The following SHROOM3 variants were observed in gnomAD, a reference collection of about 807,000 sequenced individuals.
The protein encoded by SHROOM3 is protein Shroom3.
A neutral mutation model predicts 138.6 loss-of-function variants in SHROOM3; 47 were observed. That is an observed-to-expected ratio of 0.34 (90% CI 0.27 to 0.43). The LOEUF (loss-of-function observed/expected upper bound fraction) is 0.43. Among genes scored for constraint, SHROOM3 ranks in the 20% least tolerant of loss-of-function variants. The pLI, the probability that SHROOM3 is intolerant of heterozygous loss-of-function variation, is 1.00. For synonymous variants in SHROOM3, 1,062 were observed against 1,063.3 expected (o/e 1.00, Z 0.02); for missense variants, 2,491 against 2,596.5 (o/e 0.96, Z 0.88).
rs1242023722 is a variant in SHROOM3, at chr4:76,566,137, A to G, written c.323+10374A>G. On this transcript the variant is annotated intron_variant, in intron 2 of 10. Coordinates refer to ENST00000296043, the MANE Select transcript of SHROOM3 (RefSeq NM_020859.4). ...AAAAAAAAAAAAAAAAAAATCAAGA[A>G]AAAACAATGGATGGTTCATCTGTAC... 2.6e-5 allele frequency among the ~76,000 whole-genome samples: 4 copies of G among 152,154 alleles called. No individual in the cohort carries two copies. The East Asian group carries it at 5.8e-4, about 22-fold the overall frequency.
At chr4:76,687,237 T>C (rs979157166) in intron 2 of SHROOM3, among the ~76,000 whole-genome samples, 1 of 152,214 alleles carries the variant, frequency 6.6e-6, no homozygotes, top group East Asian at 1.9e-4. Context: ...GTGCACCTTT[T>C]TCCTATGTGT....
At chr4:76,584,711 CG>C (rs1560554430) in intron 2 of SHROOM3, among the ~76,000 whole-genome samples, 1 of 152,126 alleles carries the variant, frequency 6.6e-6, no homozygotes, top group East Asian at 1.9e-4. Flanking sequence ...ATGAATTGCA[CG>C]GCCTGGCTGC....
At chr4:76,619,907 C>G (rs1235441969) in intron 2 of SHROOM3, among the ~76,000 whole-genome samples, 1 of 151,710 alleles carries the variant, frequency 6.6e-6, no homozygotes, top group East Asian at 1.9e-4. Flanking sequence ...ACTAAAAATA[C>G]AAAAATTACC....
chr4:76,549,895 C>A (rs1045010894), intron 1 of SHROOM3, among the ~76,000 whole-genome samples: 4 of 152,118 alleles, frequency 2.6e-5, no homozygotes, highest in African/African-American at 9.7e-5. Context: ...CCCCAGCTGG[C>A]TCAATTCAAG....
chr4:76,730,014 A>C (rs1720827616), intron 3 of SHROOM3, among the ~76,000 whole-genome samples: 1 of 152,208 alleles, frequency 6.6e-6, no homozygotes, highest in African/African-American at 2.4e-5. Context: ...TGCCTGGTAG[A>C]TTACCTGACT....
At chr4:76,603,838 C>CTTTTTTTTT (rs993165829) in intron 2 of SHROOM3, among the ~76,000 whole-genome samples, 17 of 97,256 alleles carry the variant, frequency 1.7e-4, no homozygotes, top group South Asian at 3.9e-4. Context: ...ATCTTGTATT[C>CTTTTTTTTT]TTTTTTTTTT....
chr4:76,683,474 C>G (rs937240390), intron 2 of SHROOM3, among the ~76,000 whole-genome samples: 12 of 152,174 alleles, frequency 7.9e-5, no homozygotes, highest in Non-Finnish European at 1.2e-4. Context: ...TTCCCTCATT[C>G]TTTCCCCCTT....
chr4:76,712,590 G>A lies in SHROOM3; in HGVS notation c.455+2303G>A, dbSNP rs576126286. Reference sequence around the variant, plus strand: ...AGTGTGGTCAAAGCTGGCCGATGGCGCTATGTCTGTATGGAGAACATAAGC... The same window carrying A: ...AGTGTGGTCAAAGCTGGCCGATGGCACTATGTCTGTATGGAGAACATAAGC... On this transcript the variant is annotated intron_variant, in intron 3 of 10. Transcript: ENST00000296043. Among the ~76,000 whole-genome samples, 11 of 152,276 alleles carry A rather than the reference G, an allele frequency of 7.2e-5. No individual in the cohort carries two copies. In the East Asian group the frequency reaches 1.7e-3, roughly 24 times the overall value.
intron 3 of SHROOM3, among the ~76,000 whole-genome samples, chr4:76,725,831 T>C (rs1448480091): frequency 6.6e-6 from 1 of 152,216 alleles, no homozygotes; most frequent in Non-Finnish European, 1.5e-5. Context: ...CCTGAGTCTT[T>C]AAGGAGTCCT....
At chr4:76,627,454 C>T (rs1735179019) in intron 2 of SHROOM3, among the ~76,000 whole-genome samples, 1 of 152,110 alleles carries the variant, frequency 6.6e-6, no homozygotes, top group Non-Finnish European at 1.5e-5. Flanking sequence ...AAGATGTCCA[C>T]TAGGTAGAGA....
At chr4:76,512,049 T>C (rs1732348792) in intron 1 of SHROOM3, among the ~76,000 whole-genome samples, 1 of 152,170 alleles carries the variant, frequency 6.6e-6, no homozygotes, top group Non-Finnish European at 1.5e-5. Context: ...GAGGCCTAAA[T>C]AGAAAGATCC....
intron 2 of SHROOM3, among the ~76,000 whole-genome samples, chr4:76,658,248 C>A (rs1736109881): frequency 6.6e-6 from 1 of 152,142 alleles, no homozygotes; most frequent in Non-Finnish European, 1.5e-5. Context: ...ATGTTTGCTA[C>A]CTTAGTTGGA....
intron 1 of SHROOM3, among the ~76,000 whole-genome samples, chr4:76,439,424 G>T (rs1730624001): frequency 6.6e-6 from 1 of 152,178 alleles, no homozygotes; most frequent in African/African-American, 2.4e-5. Context: ...TCAGGGATTA[G>T]AATGCAGACA....
chr4:76,606,205 G>C lies in SHROOM3; in HGVS notation c.323+50442G>C, dbSNP rs578215020. 2.7e-5 allele frequency among the ~76,000 whole-genome samples: 4 copies of C among 148,940 alleles called. 1 individual carries two copies. The highest frequency in any genetic ancestry group is 7.3e-5 in the African/African-American group (3 of 40,916). On this transcript the variant is annotated intron_variant, in intron 2 of 10. Transcript: ENST00000296043. ...ATTTTTGTATTTTTAGTAGAGACAG[G>C]GTTTCACCAAGTTGGCCAGGATGGT...
chr4:76,657,241 C>G (rs1736085642), intron 2 of SHROOM3, among the ~76,000 whole-genome samples: 1 of 151,884 alleles, frequency 6.6e-6, no homozygotes, highest in Non-Finnish European at 1.5e-5. Context: ...GATCATTATA[C>G]TAGGTTGAGG....
intron 10 of SHROOM3, among the ~76,000 whole-genome samples, chr4:76,775,834 T>C (rs898123755): frequency 5.3e-5 from 8 of 150,154 alleles, no homozygotes; most frequent in East Asian, 4.0e-4. Flanking sequence ...CACACACACA[T>C]ACATATATAC....
At chr4:76,477,500 T>C (rs1419537083) in intron 1 of SHROOM3, among the ~76,000 whole-genome samples, 1 of 152,292 alleles carries the variant, frequency 6.6e-6, no homozygotes, top group East Asian at 1.9e-4. Context: ...GTGACTATAT[T>C]AATTTTTAAA....
At chr4:76,613,341 T>A (rs558961776) in intron 2 of SHROOM3, among the ~76,000 whole-genome samples, 11 of 152,354 alleles carry the variant, frequency 7.2e-5, no homozygotes, top group African/African-American at 2.6e-4. Flanking sequence ...ACACTCCACC[T>A]TCAATAATTG....
At chr4:76,773,098 T>C (rs1196266803) in intron 10 of SHROOM3, among the ~76,000 whole-genome samples, 1 of 152,096 alleles carries the variant, frequency 6.6e-6, no homozygotes, top group Non-Finnish European at 1.5e-5. Context: ...GAGCTAAGGC[T>C]GGGTGCAGTG....
Sources: gnomAD v4.1 joint callset for allele counts (sites outside exome capture counted in the v4.1 genomes callset) on GRCh38, gnomAD v4.1.1 for gene constraint, MANE v1.5 for transcripts, NCBI Gene and HGNC (gene_info 2026-07-23, HGNC 2026-07-21) for gene names.